Variants in STYXL2 observed in about 807,000 individuals in gnomAD.
STYXL2 encodes the protein serine/threonine/tyrosine-interacting-like protein 2.
Under a neutral mutation model 52.4 loss-of-function variants are expected in STYXL2, and 44 were observed. That is an observed-to-expected ratio of 0.84 (90% CI 0.66 to 1.08). STYXL2 has a LOEUF of 1.08. Ranked by LOEUF, STYXL2 falls within the 50% of genes least tolerant of loss-of-function variation. The pLI is 0.00. For missense variants in STYXL2, 1,604 were observed against 1,471.7 expected (o/e 1.09, Z -1.47); for synonymous variants, 604 against 586.9 (o/e 1.03, Z -0.42).
chr1:167,127,173 C>G lies in STYXL2; in HGVS notation c.2042C>G (p.Thr681Ser). The change falls in exon 6 of 6, where the codon ACC (threonine) becomes AGC (serine). Residue 681 changes from threonine (T) to serine (S), a missense_variant. Thr to Ser is a moderately conservative substitution (Grantham distance 58). Coordinates refer to ENST00000361200, the MANE Select transcript of STYXL2 (RefSeq NM_001080426.3). ...GGGGACACGACGTCAGTACTGAGCA[C>G]CCAGAGCCACCGCTCCCACCTGTCT... is the stretch of plus-strand genomic sequence containing the variant. ...ADGDTTSVLS[T>S]QSHRSHLSQA... 1 of 1,614,130 alleles carries G rather than the reference C, an allele frequency of 6.2e-7. No homozygotes were observed. Among genetic ancestry groups the G allele is most frequent in the Non-Finnish European group, 8.5e-7 (1 of 1,179,994 alleles).
rs745447175 is a variant in STYXL2 at position 167,128,251 on chromosome 1, C to G, written c.3120C>G (p.Tyr1040Ter). 1.5e-5 allele frequency: 25 copies of G among 1,614,200 alleles called. 1 individual carries two copies. Among genetic ancestry groups the G allele is most frequent in the Admixed American group, 3.3e-5 (2 of 60,026 alleles). ...CCCGAGAGGAGAGCCCAGAGCCCTA[C>G]TTCTTCCGCCGGACCCCAGAGTCCT... ...SSSREESPEPYFFRRTPESSE... is the reference protein window; with the variant it reads ...SSSREESPEP Residue 1040 changes from tyrosine to a stop codon, truncating the protein, a stop_gained, in exon 6 of 6, where the codon TAC becomes TAG. Transcript: ENST00000361200. LOFTEE classifies it high-confidence loss of function.
rs1224874799 is a variant in STYXL2 at position 167,128,167 on chromosome 1, C to G, written c.3036C>G (p.Thr1012=). 1 of 1,614,214 alleles carries G rather than the reference C, an allele frequency of 6.2e-7. No individual in the cohort carries two copies. The highest frequency in any genetic ancestry group is 2.2e-5 in the East Asian group (1 of 44,874). The part of the protein sequence containing the change: ...RSTSRFSSSS[T]REGREMHKFS... ...CTTCACGGTTCTCATCTTCCTCCAC[C>G]AGGGAGGGCAGAGAGATGCACAAGT... Residue 1012 remains threonine, a synonymous_variant, in exon 6 of 6, where the codon ACC becomes ACG. Coordinates refer to ENST00000361200, the MANE Select transcript of STYXL2 (RefSeq NM_001080426.3).
Position 167,127,242 on chromosome 1 carries a change from C to A in STYXL2, c.2111C>A (p.Thr704Asn), listed in dbSNP as rs745641105. ...GCGGGGTGTTCAACCTCCAACCCCA[C>A]CACACCCCTGCCTAACCTGCCAGTG... ...NIAGCSTSNP[T>N]TPLPNLPVGP... Residue 704 changes from threonine (T) to asparagine (N), a missense_variant, in exon 6 of 6, where the codon ACC becomes AAC. Coordinates refer to ENST00000361200, the MANE Select transcript of STYXL2 (RefSeq NM_001080426.3). The A allele has an allele frequency of 1.2e-6, 2 of 1,614,188 alleles. No homozygotes were observed. Among genetic ancestry groups the A allele is most frequent in the Non-Finnish European group, 1.7e-6 (2 of 1,180,012 alleles).
Position 167,125,895 on chromosome 1 carries a change from T to G in STYXL2, c.764T>G (p.Val255Gly). The G allele has an allele frequency of 6.2e-7, 1 of 1,614,128 alleles. No homozygotes were observed. Among genetic ancestry groups the G allele is most frequent in the Non-Finnish European group, 8.5e-7 (1 of 1,180,016 alleles). Reference protein sequence around the residue: ...NMAILEALMTVRKKRAIYPNE... With the variant: ...NMAILEALMTGRKKRAIYPNE... ...GCCATCCTGGAGGCTTTGATGACCGTGCGTAAGAAGCGGGCCATCTACCCC... is the reference window on the plus strand; with the variant it reads ...GCCATCCTGGAGGCTTTGATGACCGGGCGTAAGAAGCGGGCCATCTACCCC... The change falls in exon 6 of 6, where the codon GTG becomes GGG. Residue 255 changes from valine (V) to glycine (G), a missense_variant. Physicochemically the swap from Val to Gly is moderately radical, Grantham distance 109 (BLOSUM62 -3). Coordinates refer to ENST00000361200, the MANE Select transcript of STYXL2 (RefSeq NM_001080426.3).
intron 4 of STYXL2, 50 bp downstream of exon 4, chr1:167,117,609 G>T (rs1323392313): frequency 1.3e-6 from 2 of 1,485,880 alleles, no homozygotes; most frequent in Non-Finnish European, 1.8e-6. Flanking sequence ...TCTGGTTAGT[G>T]CCTGAGACAG....
At chr1:167,115,924 G>T (rs1667712707) in intron 3 of STYXL2, among the ~76,000 whole-genome samples, 1 of 152,112 alleles carries the variant, frequency 6.6e-6, no homozygotes, top group Non-Finnish European at 1.5e-5. Context: ...AGGCTCCCTG[G>T]ATTTGCAGTC....
Position 167,127,332 on chromosome 1 carries a change from C to T in STYXL2, c.2201C>T (p.Thr734Ile), listed in dbSNP as rs1313490529. 3 of 1,614,088 alleles carry T rather than the reference C, an allele frequency of 1.9e-6. No individual in the cohort carries two copies. Among genetic ancestry groups the T allele is most frequent in the African/African-American group, 2.7e-5 (2 of 74,924 alleles). Residue 734 changes from threonine (T) to isoleucine (I), a missense_variant, in exon 6 of 6, where the codon ACC becomes ATC. By Grantham distance (89) the Thr-to-Ile change is moderately conservative. Coordinates refer to ENST00000361200, the MANE Select transcript of STYXL2 (RefSeq NM_001080426.3). ...TGGATTGCCAATGTAGTCAGTGAGA[C>T]CCTTGCTCAGAAGCAAAATGAAATG... ...QNWIANVVSE[T>I]LAQKQNEMLL...
In STYXL2 at chr1:167,126,254, G is replaced by C; in HGVS notation, c.1123G>C (p.Ala375Pro). Residue 375 changes from alanine to proline, a missense_variant, in exon 6 of 6, where the codon GCC becomes CCC. Ala to Pro is a conservative substitution (Grantham distance 27). Coordinates refer to ENST00000361200, the MANE Select transcript of STYXL2 (RefSeq NM_001080426.3). ...VPQDGGGWRS[A>P]SSGQGGEELE... The stretch of plus-strand genomic sequence containing the variant: ...CCAGGATGGAGGTGGCTGGCGCTCA[G>C]CCTCCTCTGGCCAGGGTGGGGAGGA... The C allele has an allele frequency of 6.5e-7, 1 of 1,540,590 alleles. No homozygotes were observed.
At chr1:167,124,209 C>A (rs1667916376) in intron 5 of STYXL2, among the ~76,000 whole-genome samples, 1 of 152,184 alleles carries the variant, frequency 6.6e-6, no homozygotes, top group Non-Finnish European at 1.5e-5. Context: ...CACACCCTGG[C>A]CTGTGGCTTT....
Position 167,126,387 on chromosome 1 carries a change from A to C in STYXL2, c.1256A>C (p.Glu419Ala), listed in dbSNP as rs1227363723. The C allele has an allele frequency of 1.3e-6, 2 of 1,553,278 alleles. No homozygotes were observed. Among genetic ancestry groups the C allele is most frequent in the Admixed American group, 3.9e-5 (2 of 50,950 alleles). ...TGGGGAAGGGAGGAGGAGAAGGAGG[A>C]GGAGAGCGACGCTGGCTCCTCGGTG... is the stretch of plus-strand genomic sequence containing the variant. Reference protein sequence around the residue: ...RRWGREEEKEEESDAGSSVGR... With the variant: ...RRWGREEEKEAESDAGSSVGR... The change falls in exon 6 of 6, where the codon GAG becomes GCG. Residue 419 changes from glutamate to alanine, a missense_variant. By Grantham distance (107) the Glu-to-Ala change is moderately radical. Coordinates refer to ENST00000361200, the MANE Select transcript of STYXL2 (RefSeq NM_001080426.3).
At chr1:167,095,707 C>T (rs1438468362) in intron 2 of STYXL2, among the ~76,000 whole-genome samples, 1 of 152,212 alleles carries the variant, frequency 6.6e-6, no homozygotes, top group East Asian at 1.9e-4. Flanking sequence ...TAAATCATAA[C>T]AGGAGACCTG....
rs1322539863 is a variant in STYXL2, at chr1:167,127,051, CCA to C, written c.1921_1922del (p.Gln641ValfsTer31). 42 of 1,609,956 alleles carry C rather than the reference CCA, an allele frequency of 2.6e-5. No homozygotes were observed. The highest frequency in any genetic ancestry group is 3.5e-5 in the Non-Finnish European group (41 of 1,177,530). ...ERSRQTLEES[Q>X]SMASWEADSS... Reference sequence around the variant, plus strand: ...GAAGCCGGCAGACGCTGGAGGAGAGCCAGTCTATGGCAAGCTGGGAGGCGGAC... The same window carrying C: ...GAAGCCGGCAGACGCTGGAGGAGAGCGTCTATGGCAAGCTGGGAGGCGGAC... On this transcript the variant is annotated frameshift_variant, in exon 6 of 6. Transcript: ENST00000361200. LOFTEE classifies it low-confidence loss of function (END_TRUNC).
At chr1:167,117,095 G>T (rs1336319707) in intron 3 of STYXL2, among the ~76,000 whole-genome samples, 1 of 152,166 alleles carries the variant, frequency 6.6e-6, no homozygotes, top group Non-Finnish European at 1.5e-5. Context: ...AAAGAAATTG[G>T]ATCCCCTTTA....
At position 167,127,523 on chromosome 1, in the gene STYXL2, G is replaced by C; in HGVS notation, c.2392G>C (p.Val798Leu). 6.2e-7 allele frequency: 1 copy of C among 1,614,124 alleles called. No homozygotes were observed. The highest frequency in any genetic ancestry group is 8.5e-7 in the Non-Finnish European group (1 of 1,180,024). ...AAGACCCAGCTCTGACATGCAGTCTGTGCTGTCCTGCAACACCACACTGAG... is the reference window on the plus strand; with the variant it reads ...AAGACCCAGCTCTGACATGCAGTCTCTGCTGTCCTGCAACACCACACTGAG... ...QARPSSDMQSVLSCNTTLSSP... is the reference protein window; with the variant it reads ...QARPSSDMQSLLSCNTTLSSP... Residue 798 changes from valine to leucine, a missense_variant, in exon 6 of 6, where the codon GTG becomes CTG. Transcript: ENST00000361200.
chr1:167,128,468 G>A lies in STYXL2; in HGVS notation c.3337G>A (p.Ala1113Thr). The stretch of plus-strand genomic sequence containing the variant: ...AGAAAACAGAGAAGAAGGGAGGTTT[G>A]CATCTGGACGGCGGTCCCAGTATCG... ...RTENREEGRF[A>T]SGRRSQYRRS... The change falls in exon 6 of 6, where the codon GCA (alanine) becomes ACA (threonine). Residue 1113 changes from alanine (A) to threonine (T), a missense_variant. Transcript: ENST00000361200. 1 of 1,614,028 alleles carries A rather than the reference G, an allele frequency of 6.2e-7. No individual in the cohort carries two copies. Among genetic ancestry groups the A allele is most frequent in the Non-Finnish European group, 8.5e-7 (1 of 1,179,946 alleles).
At position 167,126,167 on chromosome 1, in the gene STYXL2, G is replaced by A. The variant is rs778897145; in HGVS notation, c.1036G>A (p.Glu346Lys). The change falls in exon 6 of 6, where the codon GAG becomes AAG. Residue 346 changes from glutamate to lysine, a missense_variant. Transcript: ENST00000361200. ...GCCCCTCACCCTCATAGACGAGGAG[G>A]AGGAGGAGAAACTGTACGAGCAGTG... ...SKPLTLIDEE[E>K]EEKLYEQWKK... 5 of 1,514,528 alleles carry A rather than the reference G, an allele frequency of 3.3e-6. No homozygotes were observed. Among genetic ancestry groups the A allele is most frequent in the Non-Finnish European group, 3.5e-6 (4 of 1,134,072 alleles). 93.8% of individuals were successfully genotyped at this position (1,514,528 alleles called of 1,614,324 possible).
chr1:167,105,249 T>A (rs59926686), intron 2 of STYXL2, among the ~76,000 whole-genome samples: 2,328 of 152,274 alleles, frequency 0.015, 44 homozygotes, highest in African/African-American at 0.053. Context: ...CATGGATTGG[T>A]CAGTCTGCAA....
chr1:167,128,136 G>A lies in STYXL2; in HGVS notation c.3005G>A (p.Arg1002Lys). The A allele has an allele frequency of 1.2e-6, 2 of 1,614,210 alleles. No homozygotes were observed. The highest frequency in any genetic ancestry group is 1.7e-6 in the Non-Finnish European group (2 of 1,180,042). Reference protein sequence around the residue: ...SYHEANGNSVRSTSRFSSSST... With the variant: ...SYHEANGNSVKSTSRFSSSST... ...CACGAGGCAAATGGCAACTCTGTAA[G>A]AAGCACTTCACGGTTCTCATCTTCC... Residue 1002 changes from arginine (R) to lysine (K), a missense_variant, in exon 6 of 6, where the codon AGA becomes AAA. Coordinates refer to ENST00000361200, the MANE Select transcript of STYXL2 (RefSeq NM_001080426.3).
intron 5 of STYXL2, among the ~76,000 whole-genome samples, chr1:167,120,562 C>T (rs148653316): frequency 1.8e-4 from 27 of 152,174 alleles, no homozygotes; most frequent in African/African-American, 5.3e-4. Flanking sequence ...TGCCTGTCAC[C>T]ACCAATGGCC....
Sources: gnomAD v4.1 joint callset for allele counts (sites outside exome capture counted in the v4.1 genomes callset) on GRCh38, gnomAD v4.1.1 for gene constraint, MANE v1.5 for transcripts, NCBI Gene and HGNC (gene_info 2026-07-23, HGNC 2026-07-21) for gene names.